The following AGBL1 variants were observed in gnomAD, a reference collection of about 807,000 sequenced individuals.
AGBL1 encodes the protein cytosolic carboxypeptidase 4.
A neutral mutation model predicts 118.9 loss-of-function variants in AGBL1; 130 were observed. That is an observed-to-expected ratio of 1.09 (90% CI 0.95 to 1.26). AGBL1 has a LOEUF of 1.26. Among genes scored for constraint, AGBL1 ranks in the 50% most tolerant of loss-of-function variants. The probability of loss-of-function intolerance (pLI) is 0.00; values close to 1 mark genes in which losing one functional copy is unlikely to be tolerated. For missense variants in AGBL1, 1,584 were observed against 1,298.1 expected, an observed-to-expected ratio of 1.22 and a Z score of -3.38; for synonymous variants, 555 against 478.9, an observed-to-expected ratio of 1.16 and a Z score of -2.08.
rs1484074568 is a variant in AGBL1, at chr15:86,556,158, T to C, written c.2994+1621T>C. 5 of 1,389,082 alleles carry C rather than the reference T, an allele frequency of 3.6e-6. No homozygotes were observed. The East Asian group carries it at 9.4e-5, about 26-fold the overall frequency. 86.0% of individuals were successfully genotyped at this position (1,389,082 alleles called of 1,614,324 possible). On this transcript the variant is annotated intron_variant, in intron 21 of 22. Coordinates refer to ENST00000614907, the MANE Select transcript of AGBL1 (RefSeq NM_001386094.1). ...TAAATCAGCTGGAAACTCAAAGTTC[T>C]CTGGAGCTGTTTGAAAATGAAATGA...
chr15:86,656,943 C>A (rs915240252), intron 21 of AGBL1, among the ~76,000 whole-genome samples: 2 of 152,174 alleles, frequency 1.3e-5, no homozygotes, highest in Non-Finnish European at 2.9e-5. Context: ...CTGCTCCCTT[C>A]CCTTAGGAAA....
chr15:86,869,071 G>T (rs1021541424), intron 22 of AGBL1, among the ~76,000 whole-genome samples: 9 of 152,174 alleles, frequency 5.9e-5, no homozygotes, highest in Non-Finnish European at 1.5e-5. Flanking sequence ...CAACTGCCTT[G>T]GTGGCAGGGT....
rs532740346 is a variant in AGBL1, at chr15:86,522,736, T to C, written c.2556-74T>C. The stretch of plus-strand genomic sequence containing the variant: ...TTGAAGTCATTAGTTTAATTGTTTA[T>C]CTTGTGGAGCTTTATTTTCTCAAGT... On this transcript the variant is annotated intron_variant, in intron 18 of 22. Coordinates refer to ENST00000614907, the MANE Select transcript of AGBL1 (RefSeq NM_001386094.1). The C allele has an allele frequency of 1.2e-5, 18 of 1,528,324 alleles. No individual in the cohort carries two copies. In the East Asian group the frequency reaches 2.6e-4, roughly 22 times the overall value. 94.7% of individuals were successfully genotyped at this position (1,528,324 alleles called of 1,614,324 possible). A position where few individuals can be genotyped will look rare whatever the true frequency, so the allele number is the denominator to read the frequency against.
At chr15:86,524,685 G>A (rs2083237664) in intron 19 of AGBL1, among the ~76,000 whole-genome samples, 1 of 152,150 alleles carries the variant, frequency 6.6e-6, no homozygotes, top group African/African-American at 2.4e-5. Context: ...CAACCATCTG[G>A]CATGGCCCAA....
chr15:86,219,856 T>C (rs2078250649), intron 5 of AGBL1, among the ~76,000 whole-genome samples: 1 of 152,100 alleles, frequency 6.6e-6, no homozygotes, highest in African/African-American at 2.4e-5. Flanking sequence ...TTTTAGATTC[T>C]TTCTAGAATT....
At chr15:86,949,360 G>C (rs893728372) in intron 23 of AGBL1, among the ~76,000 whole-genome samples, 1 of 152,068 alleles carries the variant, frequency 6.6e-6, no homozygotes. Context: ...ACTGTAGCGA[G>C]GTATGCCCAT....
intron 17 of AGBL1, among the ~76,000 whole-genome samples, chr15:86,372,812 C>T (rs1190967569): frequency 2.0e-5 from 3 of 152,184 alleles, no homozygotes; most frequent in Non-Finnish European, 4.4e-5. Context: ...AGGGGTAGGG[C>T]CTATAGGGCT....
chr15:86,523,084 C>G, intron 19 of AGBL1, 145 bp downstream of exon 19: 1 of 954,576 alleles, frequency 1.0e-6, no homozygotes, highest in Middle Eastern at 3.4e-4. Flanking sequence ...GGTGCATTGA[C>G]TTCCTGGGCT....
At chr15:86,853,584 G>A (rs551190082) in intron 22 of AGBL1, among the ~76,000 whole-genome samples, 2 of 152,260 alleles carry the variant, frequency 1.3e-5, no homozygotes, top group South Asian at 4.2e-4. Context: ...CCAAAGCCCG[G>A]GCTCTACTTA....
intron 23 of AGBL1, among the ~76,000 whole-genome samples, chr15:86,944,560 A>C (rs996992016): frequency 6.6e-6 from 1 of 152,154 alleles, no homozygotes; most frequent in South Asian, 2.1e-4. Context: ...GAACTTTAGC[A>C]ATGTTGAAGT....
At chr15:86,380,460 C>CT (rs2081098895) in intron 17 of AGBL1, among the ~76,000 whole-genome samples, 1 of 151,440 alleles carries the variant, frequency 6.6e-6, no homozygotes, top group African/African-American at 2.4e-5. Context: ...CCTTTCCTTC[C>CT]TTTTTTCCTC....
At chr15:86,526,509 T>A (rs1402851679) in intron 19 of AGBL1, among the ~76,000 whole-genome samples, 1 of 146,962 alleles carries the variant, frequency 6.8e-6, no homozygotes, top group East Asian at 2.0e-4. Flanking sequence ...AAATGTGGCA[T>A]ATATAAATAT....
intron 19 of AGBL1, among the ~76,000 whole-genome samples, chr15:86,540,886 T>A (rs145911381): frequency 7.7e-4 from 117 of 152,324 alleles, no homozygotes; most frequent in African/African-American, 2.5e-3. Context: ...GAACTCACCA[T>A]GTTTATTCCT....
chr15:86,720,741 T>A (rs754924755), intron 22 of AGBL1, among the ~76,000 whole-genome samples: 1 of 151,846 alleles, frequency 6.6e-6, no homozygotes, highest in Admixed American at 6.6e-5. Context: ...AGAAAGGAAG[T>A]GGATAGATCG....
At chr15:86,893,092 A>G (rs2080074005) in intron 22 of AGBL1, among the ~76,000 whole-genome samples, 1 of 152,074 alleles carries the variant, frequency 6.6e-6, no homozygotes, top group South Asian at 2.1e-4. Context: ...GGGAATTCAG[A>G]GTTGCTCTTT....
chr15:86,109,410 T>C (rs1897234221), intron 1 of AGBL1, among the ~76,000 whole-genome samples: 1 of 152,238 alleles, frequency 6.6e-6, no homozygotes, highest in African/African-American at 2.4e-5. Context: ...TAAAATTGAC[T>C]TCCTGGCATT....
At chr15:86,614,049 A>AAGT (rs1240158691) in intron 21 of AGBL1, among the ~76,000 whole-genome samples, 1 of 152,200 alleles carries the variant, frequency 6.6e-6, no homozygotes, top group African/African-American at 2.4e-5. Flanking sequence ...AATAAATCCT[A>AAGT]AGAACAGAAG....
At chr15:86,994,435 TAGAAAAG>T (rs1256905962) in intron 24 of AGBL1, among the ~76,000 whole-genome samples, 2 of 152,056 alleles carry the variant, frequency 1.3e-5, no homozygotes, top group Non-Finnish European at 1.5e-5. Flanking sequence ...TATGAATAGT[TAGAAAAG>T]AGAGAGAGAG....
chr15:86,428,688 C>A (rs1464195448), intron 18 of AGBL1, among the ~76,000 whole-genome samples: 1 of 152,210 alleles, frequency 6.6e-6, no homozygotes, highest in Non-Finnish European at 1.5e-5. Context: ...GGCTGTTAAT[C>A]ATGAGGATGG....
Sources: allele counts gnomAD v4.1 joint callset (sites outside exome capture counted in the v4.1 genomes callset), GRCh38; gene constraint gnomAD v4.1.1; transcripts MANE v1.5; gene names NCBI Gene and HGNC (gene_info 2026-07-23, HGNC 2026-07-21).